PACC1: variants seen among roughly 807,000 people sequenced by gnomAD.
PACC1 encodes proton activated chloride channel 1.
PACC1 carries 34 observed loss-of-function variants against 39.7 expected under a neutral mutation model. The ratio of observed to expected loss-of-function variants is 0.86; its 90% CI spans 0.65 to 1.14. PACC1 has a LOEUF of 1.14. Among genes scored for constraint, PACC1 ranks in the 50% most tolerant of loss-of-function variants. PACC1 has a pLI of 0.00. For missense variants in PACC1, 379 were observed against 436.4 expected (o/e 0.87, Z 1.17); for synonymous variants, 127 against 160.6 (o/e 0.79, Z 1.58).
chr1:212,404,019 T>C (rs1253785527), intron 2 of PACC1, among the ~76,000 whole-genome samples: 2 of 152,252 alleles, frequency 1.3e-5, no homozygotes, highest in Non-Finnish European at 2.9e-5. Context: ...TGCCGCAGCA[T>C]GGTTGTCTCC....
At chr1:212,411,671 T>C (rs573027830) in intron 1 of PACC1, among the ~76,000 whole-genome samples, 8 of 152,240 alleles carry the variant, frequency 5.3e-5, no homozygotes, top group African/African-American at 1.9e-4. Flanking sequence ...GTTCACAGCA[T>C]CAGTGTTTAA....
chr1:212,373,785 A>C (rs908526544), intron 7 of PACC1, among the ~76,000 whole-genome samples: 5 of 152,220 alleles, frequency 3.3e-5, no homozygotes, highest in Non-Finnish European at 7.3e-5. Flanking sequence ...GGGAAATGCA[A>C]ACCAAATCCA....
intron 1 of PACC1, among the ~76,000 whole-genome samples, chr1:212,413,206 T>C (rs1662198602): frequency 6.6e-6 from 1 of 152,072 alleles, no homozygotes; most frequent in Non-Finnish European, 1.5e-5. Context: ...ATAAAGGGGA[T>C]GGGAGGAGAA....
At chr1:212,366,736 A>C (rs72754313) in intron 7 of PACC1, among the ~76,000 whole-genome samples, 3,533 of 152,278 alleles carry the variant, frequency 0.023, 47 homozygotes, top group African/African-American at 0.029. Context: ...AGTAGGTTAA[A>C]AAATGTTTTA....
intron 1 of PACC1, chr1:212,413,861 C>G: frequency 6.6e-7 from 1 of 1,515,924 alleles, no homozygotes. Context: ...TCAGAGGTTA[C>G]AGCAAACACA....
chr1:212,404,350 C>G (rs1435725021), intron 2 of PACC1, among the ~76,000 whole-genome samples: 2 of 151,568 alleles, frequency 1.3e-5, no homozygotes, highest in African/African-American at 4.9e-5. Context: ...TCGTGATCCA[C>G]CCACCTCAGC....
chr1:212,401,423 C>T (rs1029168903), intron 2 of PACC1, among the ~76,000 whole-genome samples: 90 of 152,034 alleles, frequency 5.9e-4, no homozygotes, highest in African/African-American at 2.1e-3. Flanking sequence ...GTCAGGAGTT[C>T]GAGAACAGCC....
intron 5 of PACC1, among the ~76,000 whole-genome samples, chr1:212,378,912 T>C (rs1177085994): frequency 6.6e-6 from 1 of 151,794 alleles, no homozygotes; most frequent in African/African-American, 2.4e-5. Context: ...TCACTTCCAC[T>C]GAATGAATAG....
At chr1:212,372,965 T>C (rs575123033) in intron 7 of PACC1, among the ~76,000 whole-genome samples, 2 of 152,194 alleles carry the variant, frequency 1.3e-5, no homozygotes, top group Admixed American at 1.3e-4. Context: ...GCAATTCCTA[T>C]AAAATACCAA....
intron 5 of PACC1, among the ~76,000 whole-genome samples, chr1:212,379,040 T>C (rs1571639983): frequency 6.6e-6 from 1 of 151,842 alleles, no homozygotes; most frequent in East Asian, 1.9e-4. Context: ...GCCTCCTGGG[T>C]TCAATCGGTT....
chr1:212,371,393 A>G (rs72754319), intron 7 of PACC1, among the ~76,000 whole-genome samples: 2,936 of 152,218 alleles, frequency 0.019, 31 homozygotes, highest in Non-Finnish European at 0.03. Flanking sequence ...TGCCACAGTA[A>G]TATAAAGGAT....
chr1:212,407,640 G>C (rs1661967688), intron 2 of PACC1, among the ~76,000 whole-genome samples: 1 of 152,196 alleles, frequency 6.6e-6, no homozygotes, highest in South Asian at 2.1e-4. Context: ...TTGTGTGAGT[G>C]TTTTTGGTTT....
rs1276422389 is a variant in PACC1, at chr1:212,410,474, G to A, written c.84C>T (p.Asp28=). The change falls in exon 2 of 8, where the codon GAC becomes GAT. Residue 28 remains aspartate, a synonymous_variant. Transcript: ENST00000261455. ...CTCTGACCGTCTCCTTGTCCTGCTC[G>A]TCTGCCAGCTCTGAGTTCTCAACCA... ...VQVVENSELA[D]EQDKETVRVQ... The A allele has an allele frequency of 4.3e-6, 7 of 1,614,020 alleles. No homozygotes were observed. Among genetic ancestry groups the A allele is most frequent in the African/African-American group, 4.0e-5 (3 of 74,902 alleles).
rs1355035100 is a variant in PACC1 at position 212,406,099 on chromosome 1, AC to A, written c.133+4325del. ...AGCCCAGTCCACAAAGCAAGGTCCC[AC>A]CCCACAAAAAAAAAAAAAAAAAAAA... is the stretch of plus-strand genomic sequence containing the variant. On this transcript the variant is annotated intron_variant, in intron 2 of 7. Coordinates refer to ENST00000261455, the MANE Select transcript of PACC1 (RefSeq NM_018252.3). 5.8e-5 allele frequency among the ~76,000 whole-genome samples: 4 copies of A among 68,464 alleles called. No individual in the cohort carries two copies. The Admixed American group carries it at 7.5e-4, about 13-fold the overall frequency. The allele number at this position is 68,464 out of a possible 152,430, so 44.9% of individuals were successfully genotyped here.
chr1:212,402,311 T>A (rs1412378432), intron 2 of PACC1, among the ~76,000 whole-genome samples: 1 of 152,212 alleles, frequency 6.6e-6, no homozygotes, highest in Non-Finnish European at 1.5e-5. Flanking sequence ...TCTCTCTACA[T>A]CCTTGCCAAA....
intron 2 of PACC1, among the ~76,000 whole-genome samples, chr1:212,399,790 C>T (rs896257782): frequency 4.6e-5 from 7 of 152,144 alleles, no homozygotes; most frequent in Non-Finnish European, 1.0e-4. Context: ...GCAATCCACC[C>T]GCCTCGGCCT....
rs1425084794 is a variant in PACC1 at position 212,414,797 on chromosome 1, G to C, written c.-40C>G. ...CTTCGGCACACCTGAGACCGCCCCAGCCCGCGGCGCACGGACGCAGCACTG... is the reference window on the plus strand; with the variant it reads ...CTTCGGCACACCTGAGACCGCCCCACCCCGCGGCGCACGGACGCAGCACTG... On this transcript the variant is annotated 5_prime_UTR_variant, in exon 1 of 8. Coordinates refer to ENST00000261455, the MANE Select transcript of PACC1 (RefSeq NM_018252.3). 1 of 1,608,552 alleles carries C rather than the reference G, an allele frequency of 6.2e-7. No individual in the cohort carries two copies. Among genetic ancestry groups the C allele is most frequent in the Non-Finnish European group, 8.5e-7 (1 of 1,175,668 alleles).
At position 212,414,865 on chromosome 1, in the gene PACC1, G is replaced by A. The variant is rs1319728051; in HGVS notation, c.-108C>T. 2.8e-6 allele frequency: 4 copies of A among 1,418,558 alleles called. No individual in the cohort carries two copies. Among genetic ancestry groups the A allele is most frequent in the East Asian group, 2.4e-5 (1 of 41,680 alleles). The allele number at this position is 1,418,558 out of a possible 1,614,324, so 87.9% of individuals were successfully genotyped here. A position where few individuals can be genotyped will look rare whatever the true frequency, so the allele number is the denominator to read the frequency against. On this transcript the variant is annotated 5_prime_UTR_variant, in exon 1 of 8. Coordinates refer to ENST00000261455, the MANE Select transcript of PACC1 (RefSeq NM_018252.3). ...CCTACCGGCTCCGCGAGGCGAAACC[G>A]GTCCGGAGGGGCGTCCCAGAGACCA... is the stretch of plus-strand genomic sequence containing the variant.
rs1360192724 is a variant in PACC1 at position 212,377,670 on chromosome 1, A to G, written c.675T>C (p.Ser225=). ...CAGAGAACTTCCAGCTGGAATAGGC[A>G]CTCTCACAGGCCTGCATGAAGCCTA... is the stretch of plus-strand genomic sequence containing the variant. ...NRVGFMQACE[S]AYSSWKFSGG... Residue 225 remains serine, a synonymous_variant, in exon 6 of 8, where the codon AGT becomes AGC. Coordinates refer to ENST00000261455, the MANE Select transcript of PACC1 (RefSeq NM_018252.3). 12 of 1,613,930 alleles carry G rather than the reference A, an allele frequency of 7.4e-6. No individual in the cohort carries two copies. The highest frequency in any genetic ancestry group is 1.0e-5 in the Non-Finnish European group (12 of 1,180,012).
Sources: allele counts gnomAD v4.1 joint callset (sites outside exome capture counted in the v4.1 genomes callset), GRCh38; gene constraint gnomAD v4.1.1; transcripts MANE v1.5; gene names NCBI Gene and HGNC (gene_info 2026-07-23, HGNC 2026-07-21).